INSL6: variants seen among roughly 807,000 people sequenced by gnomAD.
INSL6 encodes the protein insulin-like peptide INSL6.
Under a neutral mutation model 9.4 loss-of-function variants are expected in INSL6, and 16 were observed. That is an observed-to-expected ratio of 1.70 (90% CI 1.15 to 2.59). INSL6 has a LOEUF of 2.59. INSL6 is among the 30% of genes most tolerant of loss of function. The pLI, the probability that INSL6 is intolerant of heterozygous loss-of-function variation, is 0.00. For missense variants in INSL6, 391 were observed against 257.3 expected (o/e 1.52, Z -3.56); for synonymous variants, 154 against 96.9 (o/e 1.59, Z -3.46).
the INSL6 span, chr9:5,086,217 C>T: frequency 1.7e-6 from 1 of 602,280 alleles, no homozygotes; most frequent in South Asian, 5.0e-5. Flanking sequence ...CAGCGCGAGG[C>T]CACGGTCGGA....
At chr9:5,059,840 A>T in the INSL6 span, among the ~76,000 whole-genome samples, 2 of 152,288 alleles carry the variant, frequency 1.3e-5, no homozygotes, top group South Asian at 4.1e-4. Context: ...GTTCATCTGA[A>T]TATCCTTCTT....
At chr9:5,041,607 T>C in the INSL6 span, 294 of 495,918 alleles carry the variant, frequency 5.9e-4, 1 homozygote, top group African/African-American at 5.3e-3. Context: ...GAAGCCCGAC[T>C]GTGACTACAT....
chr9:5,086,126 G>A, the INSL6 span: 2 of 377,200 alleles, frequency 5.3e-6, no homozygotes, highest in Non-Finnish European at 9.6e-6. Context: ...GCAGCGGCGC[G>A]CGGCCCCGGC....
intron 1 of INSL6, among the ~76,000 whole-genome samples, chr9:5,167,354 G>A (rs1460187835): frequency 1.3e-5 from 2 of 152,362 alleles, no homozygotes; most frequent in Middle Eastern, 3.4e-3. Flanking sequence ...TGGCACTTGA[G>A]CAGGCACTGA....
the INSL6 span, among the ~76,000 whole-genome samples, chr9:5,061,534 T>A: frequency 6.6e-6 from 1 of 152,238 alleles, no homozygotes; most frequent in Admixed American, 6.5e-5. Context: ...CCAACTTTTC[T>A]TCTGCAGCTT....
At chr9:5,008,976 T>G in the INSL6 span, among the ~76,000 whole-genome samples, 1 of 152,212 alleles carries the variant, frequency 6.6e-6, no homozygotes, top group Non-Finnish European at 1.5e-5. Flanking sequence ...TCTTCCAAAT[T>G]ATGAGTTTGA....
chr9:5,043,115 C>T, the INSL6 span, among the ~76,000 whole-genome samples: 4 of 152,164 alleles, frequency 2.6e-5, no homozygotes, highest in East Asian at 1.9e-4. Flanking sequence ...TGCCTTAAAG[C>T]CCCCGACCCA....
At chr9:5,043,199 T>G in the INSL6 span, among the ~76,000 whole-genome samples, 1 of 152,188 alleles carries the variant, frequency 6.6e-6, no homozygotes, top group Non-Finnish European at 1.5e-5. Context: ...CGGGTCAGCT[T>G]GAGGCAGTGC....
chr9:5,156,584 T>C (rs1824817885), intron 2 of INSL6, among the ~76,000 whole-genome samples: 1 of 152,198 alleles, frequency 6.6e-6, no homozygotes, highest in African/African-American at 2.4e-5. Flanking sequence ...AGGAAACTTT[T>C]TCAGCTAGAT....
intron 1 of INSL6, among the ~76,000 whole-genome samples, chr9:5,177,340 G>A (rs1049100057): frequency 1.3e-5 from 2 of 152,118 alleles, no homozygotes; most frequent in Admixed American, 6.6e-5. Flanking sequence ...ACCCCGCCCG[G>A]GAAATCACAT....
the INSL6 span, among the ~76,000 whole-genome samples, chr9:5,092,700 C>T: frequency 6.6e-6 from 1 of 152,076 alleles, no homozygotes; most frequent in African/African-American, 2.4e-5. Context: ...CCCCCGAAAC[C>T]AAATGAGCTA....
the INSL6 span, chr9:5,070,058 T>C: frequency 3.6e-4 from 571 of 1,592,926 alleles, 1 homozygote; most frequent in Admixed American, 2.1e-3. Flanking sequence ...TATTTGTAAG[T>C]CATTAGATAC....
intron 2 of INSL6, among the ~76,000 whole-genome samples, chr9:5,142,818 T>C (rs907767913): frequency 6.6e-6 from 1 of 152,244 alleles, no homozygotes; most frequent in Admixed American, 6.5e-5. Context: ...CCATTCAGTA[T>C]GATATTGGCT....
the INSL6 span, chr9:5,041,351 T>TAC: frequency 1.6e-6 from 1 of 641,704 alleles, no homozygotes; most frequent in Non-Finnish European, 2.9e-6. Context: ...TACGGCGTGC[T>TAC]ACATGAGCAT....
At chr9:5,144,693 T>TA (rs1824568225) in intron 2 of INSL6, among the ~76,000 whole-genome samples, 1 of 152,168 alleles carries the variant, frequency 6.6e-6, no homozygotes, top group Non-Finnish European at 1.5e-5. Flanking sequence ...ATAGTTCCAT[T>TA]TTCTTGTTGA....
chr9:5,081,686 T>C, the INSL6 span: 1 of 1,456,728 alleles, frequency 6.9e-7, no homozygotes, highest in Non-Finnish European at 9.6e-7. Flanking sequence ...GAGAATGTTA[T>C]TTGCTAATTT....
chr9:4,992,281 T>A, the INSL6 span, among the ~76,000 whole-genome samples: 1 of 152,132 alleles, frequency 6.6e-6, no homozygotes, highest in African/African-American at 2.4e-5. Flanking sequence ...TCACCTTTCA[T>A]AGTGGTGAGT....
chr9:5,054,959 A>G, the INSL6 span: 1 of 1,109,172 alleles, frequency 9.0e-7, no homozygotes, highest in African/African-American at 1.6e-5. This position sits in a 1 kb window ranked among gnomAD's most constrained non-coding sequence, Gnocchi z 4.9. Context: ...AATTTTAATC[A>G]TTTGCAACAT....
the INSL6 span, among the ~76,000 whole-genome samples, chr9:5,032,957 G>A: frequency 6.6e-6 from 1 of 152,170 alleles, no homozygotes; most frequent in Admixed American, 6.5e-5. Context: ...CAAGCTAAAG[G>A]AGGAAGTTTG....
Sources: gnomAD v4.1 joint callset for allele counts (sites outside exome capture counted in the v4.1 genomes callset) on GRCh38, gnomAD v4.1.1 for gene constraint, Gnocchi (gnomAD v3.1) non-coding constraint, MANE v1.5 for transcripts, NCBI Gene and HGNC (gene_info 2026-07-23, HGNC 2026-07-21) for gene names.